The following ZBTB16 variants were observed in gnomAD, a reference collection of about 807,000 sequenced individuals.
ZBTB16 encodes the protein zinc finger and BTB domain containing 16.
In ZBTB16, 8 loss-of-function variants were observed where a neutral mutation model predicts 56.8. The observed-to-expected ratio is 0.14, with a 90% CI of 0.08 to 0.25. ZBTB16 has a LOEUF of 0.25. Among genes scored for constraint, ZBTB16 ranks in the 10% least tolerant of loss-of-function variants. The pLI, the probability that ZBTB16 is intolerant of heterozygous loss-of-function variation, is 1.00. For synonymous variants in ZBTB16, 363 were observed against 368.5 expected (o/e 0.98, Z 0.17); for missense variants, 625 against 903.0 (o/e 0.69, Z 3.95).
At chr11:114,115,195 T>C (rs1475667311) in intron 2 of ZBTB16, among the ~76,000 whole-genome samples, 1 of 152,120 alleles carries the variant, frequency 6.6e-6, no homozygotes, top group African/African-American at 2.4e-5. Flanking sequence ...GGAAAGACCT[T>C]CTAGAGAAAA....
Position 114,143,305 on chromosome 11 carries a change from CAA to C in ZBTB16, c.1269-13030_1269-13029del, listed in dbSNP as rs1441502970. ...GCTTGAGAATACAAGATGAATGAGG[CAA>C]AGCCCTGTCTTCATGTAGCTGCCCA... On this transcript the variant is annotated intron_variant, in intron 2 of 6. Coordinates refer to ENST00000335953, the MANE Select transcript of ZBTB16 (RefSeq NM_006006.6). The surrounding 1 kb of genome is among the most constrained non-coding windows in gnomAD (Gnocchi z 6.4). Among the ~76,000 whole-genome samples, 14 of 152,178 alleles carry C rather than the reference CAA, an allele frequency of 9.2e-5. No homozygotes were observed. The highest frequency in any genetic ancestry group is 7.9e-4 in the Admixed American group (12 of 15,274).
At chr11:114,067,931 A>G (rs1328445264) in intron 2 of ZBTB16, among the ~76,000 whole-genome samples, 1 of 151,442 alleles carries the variant, frequency 6.6e-6, no homozygotes, top group Non-Finnish European at 1.5e-5. Flanking sequence ...TCAAAACTCC[A>G]GGATTAATGT....
At position 114,143,702 on chromosome 11, in the gene ZBTB16, T is replaced by C. The variant is rs1591710569; in HGVS notation, c.1269-12635T>C. Among the ~76,000 whole-genome samples, 1 of 152,176 alleles carries C rather than the reference T, an allele frequency of 6.6e-6. No individual in the cohort carries two copies. Among genetic ancestry groups the C allele is most frequent in the African/African-American group, 2.4e-5 (1 of 41,414 alleles). ...AGGCTCCAGCCTCTCTTCTCCTCCA[T>C]GCCATGGACCGTCGCTGCATCATCT... On this transcript the variant is annotated intron_variant, in intron 2 of 6. Transcript: ENST00000335953. The surrounding 1 kb of genome is among the most constrained non-coding windows in gnomAD (Gnocchi z 6.4).
chr11:114,102,419 G>C (rs1324040031), intron 2 of ZBTB16, among the ~76,000 whole-genome samples: 1 of 151,990 alleles, frequency 6.6e-6, no homozygotes, highest in Non-Finnish European at 1.5e-5. Flanking sequence ...TTTTACTCTG[G>C]GGTTTTCAGG....
At chr11:114,174,780 A>C (rs550396588) in intron 3 of ZBTB16, among the ~76,000 whole-genome samples, 5 of 152,338 alleles carry the variant, frequency 3.3e-5, no homozygotes, top group Non-Finnish European at 7.4e-5. Flanking sequence ...ATTGGCTGTA[A>C]GCTGTACAAG....
intron 2 of ZBTB16, among the ~76,000 whole-genome samples, chr11:114,132,491 G>C (rs1565642589): frequency 6.6e-6 from 1 of 152,134 alleles, no homozygotes; most frequent in Non-Finnish European, 1.5e-5. Flanking sequence ...GGTAGAGTCG[G>C]AGGGATGAAG....
intron 2 of ZBTB16, among the ~76,000 whole-genome samples, chr11:114,116,223 C>T (rs1188193741): frequency 1.3e-5 from 2 of 152,100 alleles, no homozygotes; most frequent in East Asian, 1.9e-4. Flanking sequence ...GAGCCACTGA[C>T]CTGAAATGGT....
intron 4 of ZBTB16, among the ~76,000 whole-genome samples, chr11:114,214,297 C>A (rs1293277376): frequency 6.6e-6 from 1 of 152,020 alleles, no homozygotes; most frequent in African/African-American, 2.4e-5. Flanking sequence ...GGAGATGGGA[C>A]TTGAAGTTTT....
intron 2 of ZBTB16, among the ~76,000 whole-genome samples, chr11:114,109,824 G>C (rs2137775940): frequency 6.6e-6 from 1 of 152,300 alleles, no homozygotes; most frequent in African/African-American, 2.4e-5. Flanking sequence ...TAGGGAACTT[G>C]GTTCTCTCAG....
chr11:114,148,921 C>T (rs1942215577), intron 2 of ZBTB16, among the ~76,000 whole-genome samples: 2 of 144,534 alleles, frequency 1.4e-5, no homozygotes, highest in African/African-American at 5.4e-5. Context: ...TGTGTGTAGA[C>T]AAGGTGAGTT....
At chr11:114,235,628 T>G (rs866323514) in intron 4 of ZBTB16, among the ~76,000 whole-genome samples, 1 of 66,264 alleles carries the variant, frequency 1.5e-5, no homozygotes, top group Non-Finnish European at 3.1e-5. Context: ...CCCTCTCCCT[T>G]CCTTTCTTTC....
At chr11:114,085,294 G>T (rs1483818478) in intron 2 of ZBTB16, among the ~76,000 whole-genome samples, 1 of 152,166 alleles carries the variant, frequency 6.6e-6, no homozygotes, top group Non-Finnish European at 1.5e-5. Flanking sequence ...CGTTAATGAA[G>T]ACCCACTAAT....
At chr11:114,062,635 G>A (rs1938928724) in intron 1 of ZBTB16, among the ~76,000 whole-genome samples, 2 of 152,240 alleles carry the variant, frequency 1.3e-5, no homozygotes. Flanking sequence ...TGAGAGGATA[G>A]CCTTTGCGGA....
At chr11:114,235,705 TTTC>T (rs1565701822) in intron 4 of ZBTB16, among the ~76,000 whole-genome samples, 2 of 135,512 alleles carry the variant, frequency 1.5e-5, no homozygotes, top group African/African-American at 2.9e-5. Context: ...CTTTCTTTCT[TTTC>T]TTTCTTTCTT....
chr11:114,167,231 G>GTTTTT (rs1565663129), intron 3 of ZBTB16, among the ~76,000 whole-genome samples: 2 of 43,164 alleles, frequency 4.6e-5, no homozygotes, highest in African/African-American at 9.2e-5. Flanking sequence ...TTTTTTTTTT[G>GTTTTT]GTTTTTTTTT....
At chr11:114,230,108 C>T in intron 4 of ZBTB16, among the ~76,000 whole-genome samples, 1 of 152,166 alleles carries the variant, frequency 6.6e-6, no homozygotes, top group East Asian at 1.9e-4. Context: ...CCTCTTTCTA[C>T]TCCCTGGCTG....
At chr11:114,068,358 A>C (rs1939203588) in intron 2 of ZBTB16, among the ~76,000 whole-genome samples, 1 of 152,182 alleles carries the variant, frequency 6.6e-6, no homozygotes, top group African/African-American at 2.4e-5. Context: ...ATTTGATCCC[A>C]AGCTGGTGTG....
rs140661287 is a variant in ZBTB16 at position 114,132,768 on chromosome 11, G to A, written c.1269-23569G>A. Among the ~76,000 whole-genome samples the A allele has an allele frequency of 1.3e-3, 200 of 152,242 alleles. 1 individual carries two copies. Among genetic ancestry groups the A allele is most frequent in the African/African-American group, 4.4e-3 (182 of 41,548 alleles). On this transcript the variant is annotated intron_variant, in intron 2 of 6. Coordinates refer to ENST00000335953, the MANE Select transcript of ZBTB16 (RefSeq NM_006006.6). ...CCCGGCAGGCACTCCTTTAAGAGCT[G>A]TTATCACGGATTACTCCATCTGCTG...
chr11:114,220,335 G>A (rs972371655), intron 4 of ZBTB16, among the ~76,000 whole-genome samples: 1 of 152,216 alleles, frequency 6.6e-6, no homozygotes, highest in Admixed American at 6.5e-5. Flanking sequence ...CTGTGGTGTT[G>A]GAGTGGGGGA....
Sources: gnomAD v4.1 joint callset for allele counts (sites outside exome capture counted in the v4.1 genomes callset) on GRCh38, gnomAD v4.1.1 for gene constraint, Gnocchi (gnomAD v3.1) non-coding constraint, MANE v1.5 for transcripts, NCBI Gene and HGNC (gene_info 2026-07-23, HGNC 2026-07-21) for gene names.